CDH13: variants seen among roughly 807,000 people sequenced by gnomAD.
The protein encoded by CDH13 is cadherin 13, also known as cadherin-13.
CDH13 carries 24 observed loss-of-function variants against 63.8 expected under a neutral mutation model. The observed-to-expected ratio is 0.38, with a 90% CI of 0.27 to 0.53. The LOEUF is 0.53. Among genes scored for constraint, CDH13 ranks in the 20% least tolerant of loss-of-function variants. CDH13 has a pLI of 0.85. For missense variants in CDH13, 1,049 were observed against 903.1 expected, an observed-to-expected ratio of 1.16 and a Z score of -2.07; for synonymous variants, 503 against 355.3, an observed-to-expected ratio of 1.42 and a Z score of -4.67.
chr16:82,921,109 C>G (rs899671722), intron 2 of CDH13, among the ~76,000 whole-genome samples: 1 of 152,110 alleles, frequency 6.6e-6, no homozygotes, highest in Non-Finnish European at 1.5e-5. Flanking sequence ...TTGAGGTGTA[C>G]AATCCTTTTG....
intron 4 of CDH13, among the ~76,000 whole-genome samples, chr16:83,174,681 TCA>T (rs1170740771): frequency 6.6e-6 from 1 of 152,102 alleles, no homozygotes; most frequent in Non-Finnish European, 1.5e-5. Flanking sequence ...TAGTCTGTTT[TCA>T]CACTTCTATA....
rs145145384 is a variant in CDH13, at chr16:83,685,285, A to G, written c.1538+6824A>G. 1.0e-3 allele frequency among the ~76,000 whole-genome samples: 158 copies of G among 152,318 alleles called. 2 individuals carry two copies. The highest frequency in any genetic ancestry group is 6.8e-3 in the Middle Eastern group (2 of 294). On this transcript the variant is annotated intron_variant, in intron 10 of 13. Transcript: ENST00000567109. ...TCACTAAGGAAGAAAGGAAGAATGG[A>G]TAGTGTAAGGTAGATGGCACTTTCT...
intron 5 of CDH13, among the ~76,000 whole-genome samples, chr16:83,270,016 C>A (rs543320224): frequency 1.5e-4 from 23 of 152,156 alleles, no homozygotes; most frequent in Non-Finnish European, 3.1e-4. Context: ...AGAAATAGAT[C>A]TTCTGCAACA....
intron 2 of CDH13, chr16:82,859,140 A>G (rs1406129198): frequency 6.6e-6 from 1 of 152,266 alleles, no homozygotes; most frequent in Non-Finnish European, 1.5e-5. Context: ...TAAATGCATA[A>G]CAAGTACAGT....
chr16:83,782,792 A>G (rs760271551), intron 12 of CDH13, among the ~76,000 whole-genome samples: 4 of 151,528 alleles, frequency 2.6e-5, no homozygotes, highest in South Asian at 2.1e-4. Context: ...ACCCATCTCC[A>G]TGATAACACA....
intron 4 of CDH13, among the ~76,000 whole-genome samples, chr16:83,160,912 T>C (rs1460780252): frequency 2.0e-5 from 3 of 152,214 alleles, no homozygotes; most frequent in Non-Finnish European, 4.4e-5. Context: ...AGTACACATT[T>C]TTCCGTTACT....
intron 6 of CDH13, among the ~76,000 whole-genome samples, chr16:83,349,990 C>T (rs761784408): frequency 8.5e-5 from 13 of 152,090 alleles, no homozygotes; most frequent in Non-Finnish European, 1.0e-4. Context: ...TAAACACATA[C>T]GTTAGAGTTA....
At chr16:83,151,018 G>C (rs1220111759) in intron 4 of CDH13, among the ~76,000 whole-genome samples, 1 of 152,058 alleles carries the variant, frequency 6.6e-6, no homozygotes, top group African/African-American at 2.4e-5. Context: ...GTGAAACATG[G>C]TGACAAGCAT....
At chr16:83,181,527 T>C (rs942273942) in intron 4 of CDH13, among the ~76,000 whole-genome samples, 1 of 152,198 alleles carries the variant, frequency 6.6e-6, no homozygotes, top group Non-Finnish European at 1.5e-5. Flanking sequence ...AAAGCAAAAA[T>C]ACCCTCAGTT....
At chr16:83,259,796 A>G (rs1183700802) in intron 5 of CDH13, among the ~76,000 whole-genome samples, 4 of 152,174 alleles carry the variant, frequency 2.6e-5, no homozygotes, top group Non-Finnish European at 1.5e-5. Flanking sequence ...GCAAAGAGGT[A>G]TCCATGGCAG....
At chr16:82,865,588 A>C (rs1022071286) in intron 2 of CDH13, among the ~76,000 whole-genome samples, 9 of 152,170 alleles carry the variant, frequency 5.9e-5, no homozygotes, top group Admixed American at 4.6e-4. Flanking sequence ...AGACGGCACA[A>C]AGCAGCAAGG....
chr16:83,201,902 G>A lies in CDH13; in HGVS notation c.484-15443G>A, dbSNP rs145923747. On this transcript the variant is annotated intron_variant, in intron 4 of 13. Transcript: ENST00000567109. ...TGCACTCCAGCCTAGGCAACAGAGC[G>A]AGACTCTGTCTCAAAAATAAATAAA... Among the ~76,000 whole-genome samples, 740 of 152,200 alleles carry A rather than the reference G, an allele frequency of 4.9e-3. 7 individuals are homozygous for A. Among genetic ancestry groups the A allele is most frequent in the African/African-American group, 0.016 (651 of 41,524 alleles).
chr16:82,885,508 CATCT>C (rs1286219632), intron 2 of CDH13, among the ~76,000 whole-genome samples: 6 of 150,478 alleles, frequency 4.0e-5, no homozygotes, highest in Non-Finnish European at 7.4e-5. Context: ...TCCACCCATC[CATCT>C]ATCCATTCAT....
At chr16:82,738,054 G>A (rs74030808) in intron 1 of CDH13, among the ~76,000 whole-genome samples, 1,790 of 152,242 alleles carry the variant, frequency 0.012, 33 homozygotes, top group African/African-American at 0.04. Context: ...GCGCTGTGTT[G>A]TACAGCAGAC....
chr16:82,797,093 C>A (rs193026829), intron 1 of CDH13, among the ~76,000 whole-genome samples: 25 of 152,284 alleles, frequency 1.6e-4, no homozygotes, highest in African/African-American at 6.0e-4. Context: ...AATTTGACCT[C>A]AAAGCTGAGC....
intron 1 of CDH13, among the ~76,000 whole-genome samples, chr16:82,648,386 C>T (rs894838191): frequency 1.3e-5 from 2 of 152,138 alleles, no homozygotes; most frequent in Non-Finnish European, 2.9e-5. Context: ...TGCCACATGC[C>T]TGACTCTCCT....
At chr16:83,203,045 G>A (rs754054607) in intron 4 of CDH13, among the ~76,000 whole-genome samples, 7 of 151,284 alleles carry the variant, frequency 4.6e-5, no homozygotes, top group Non-Finnish European at 8.8e-5. Context: ...GACCACCATG[G>A]AGAAACCCAT....
intron 2 of CDH13, among the ~76,000 whole-genome samples, chr16:82,927,174 C>T (rs147927892): frequency 2.4e-4 from 37 of 152,216 alleles, no homozygotes; most frequent in African/African-American, 8.7e-4. Context: ...CAAGAGTGAG[C>T]ATCCCAAGGG....
At chr16:83,148,402 G>GGAA (rs1171010687) in intron 4 of CDH13, among the ~76,000 whole-genome samples, 12 of 152,316 alleles carry the variant, frequency 7.9e-5, no homozygotes, top group African/African-American at 2.9e-4. Flanking sequence ...ATGATTTGCT[G>GGAA]GAAGAACTAA....
Sources: gnomAD v4.1 joint callset for allele counts (sites outside exome capture counted in the v4.1 genomes callset) on GRCh38, gnomAD v4.1.1 for gene constraint, MANE v1.5 for transcripts, NCBI Gene and HGNC (gene_info 2026-07-23, HGNC 2026-07-21) for gene names.